The following OASL variants were observed in gnomAD, a reference collection of about 807,000 sequenced individuals.
OASL encodes 2'-5'-oligoadenylate synthetase like.
A neutral mutation model predicts 35.3 loss-of-function variants in OASL; 28 were observed. The observed-to-expected ratio is 0.79, with a 90% CI of 0.59 to 1.09. The LOEUF (loss-of-function observed/expected upper bound fraction) is 1.09. Among genes scored for constraint, OASL ranks in the 50% least tolerant of loss-of-function variants. OASL has a pLI of 0.00. For synonymous variants in OASL, 252 were observed against 254.6 expected, an observed-to-expected ratio of 0.99 and a Z score of 0.10; for missense variants, 620 against 635.2, an observed-to-expected ratio of 0.98 and a Z score of 0.26.
At chr12:121,029,064 G>T in intron 3 of OASL, among the ~76,000 whole-genome samples, 2 of 105,098 alleles carry the variant, frequency 1.9e-5, no homozygotes, top group South Asian at 3.5e-4. Context: ...ACTTGTCTCA[G>T]AAAAAAAAAA....
At chr12:121,031,070 C>G (rs1350400589) in intron 3 of OASL, among the ~76,000 whole-genome samples, 1 of 151,984 alleles carries the variant, frequency 6.6e-6, no homozygotes, top group Non-Finnish European at 1.5e-5. Flanking sequence ...CCAGGGAGGT[C>G]TTGATCCAGG....
chr12:121,027,514 G>A (rs559833198), intron 4 of OASL, 62 bp downstream of exon 4: 100 of 1,602,876 alleles, frequency 6.2e-5, no homozygotes, highest in Middle Eastern at 1.7e-4. Flanking sequence ...TCTATGCCAC[G>A]TTACACTAGC....
At chr12:121,020,845 G>A (rs1869201033) in exon 6 of OASL, 1 of 1,614,096 alleles carries the variant, frequency 6.2e-7, no homozygotes, top group African/African-American at 1.3e-5. Flanking sequence ...ATGTGAGTGT[G>A]GGAGAAGATC....
intron 3 of OASL, among the ~76,000 whole-genome samples, chr12:121,028,790 C>A (rs1394698809): frequency 6.6e-6 from 1 of 152,100 alleles, no homozygotes; most frequent in African/African-American, 2.4e-5. Context: ...TGAGGCCGGG[C>A]GCAGTGCCTC....
chr12:121,017,776 G>A (rs936723840), downstream of OASL, among the ~76,000 whole-genome samples: 4 of 152,152 alleles, frequency 2.6e-5, no homozygotes, highest in African/African-American at 7.2e-5. Context: ...AAAATAAAGC[G>A]TTTATTCCAG....
chr12:121,026,387 G>T (rs1869482343), intron 4 of OASL, among the ~76,000 whole-genome samples: 1 of 152,180 alleles, frequency 6.6e-6, no homozygotes, highest in Non-Finnish European at 1.5e-5. Context: ...GTCTGGGTTG[G>T]GCTTCCCCTG....
rs1306034944 is a variant in OASL, at chr12:121,024,000, C to T, written c.1037G>A (p.Trp346Ter). ...GAGAGGAGCCATTACCTTCACGTTC[C>T]AGCTGGAGATGGGGTTCTCCCTGTT... The change falls in exon 5 of 6, where the codon TGG becomes TAG. Residue 346 changes from tryptophan (W) to a stop codon, truncating the protein, a stop_gained. Transcript: ENST00000257570. LOFTEE classifies it low-confidence loss of function (END_TRUNC). 1.2e-6 allele frequency: 2 copies of T among 1,614,124 alleles called. No homozygotes were observed. The highest frequency in any genetic ancestry group is 1.7e-6 in the Non-Finnish European group (2 of 1,180,010).
chr12:121,028,688 A>G (rs1011318114), intron 3 of OASL, among the ~76,000 whole-genome samples: 1 of 124,714 alleles, frequency 8.0e-6, no homozygotes, highest in Non-Finnish European at 1.6e-5. Flanking sequence ...TTATTGTTTA[A>G]GCCAGTTTGA....
In OASL at chr12:121,027,833, G is replaced by A. The variant is rs780541286; in HGVS notation, c.658-16C>T. 26 of 1,605,404 alleles carry A rather than the reference G, an allele frequency of 1.6e-5. No individual in the cohort carries two copies. Among genetic ancestry groups the A allele is most frequent in the Non-Finnish European group, 2.2e-5 (26 of 1,172,804 alleles). On this transcript the variant is annotated splice_polypyrimidine_tract_variant and intron_variant, in intron 3 of 5. Transcript: ENST00000257570. ...CTTTCACATACTGTTGAAAGAGATG[G>A]GAAGACAGAGAGAGAGAGACCCTAA... is the stretch of plus-strand genomic sequence containing the variant.
exon 6 of OASL, chr12:121,019,866 G>A (rs1869161554): frequency 6.6e-6 from 1 of 152,230 alleles, no homozygotes; most frequent in Non-Finnish European, 1.5e-5. Context: ...CTAACCATGT[G>A]ATTGGTCTGG....
intron 1 of OASL, among the ~76,000 whole-genome samples, chr12:121,038,087 T>TAAA (rs571751942): frequency 1.6e-4 from 23 of 141,932 alleles, no homozygotes; most frequent in South Asian, 4.5e-4. Context: ...ACCCTGTCTC[T>TAAA]AAAAAAAAAA....
chr12:121,031,586 A>C (rs747007570), exon 3 of OASL: 130 of 1,613,532 alleles, frequency 8.1e-5, no homozygotes, highest in Non-Finnish European at 1.1e-4. Context: ...CATAGACCTC[A>C]GGGGGTGGCT....
downstream of OASL, among the ~76,000 whole-genome samples, chr12:121,017,962 G>T (rs1276189645): frequency 6.6e-6 from 1 of 152,212 alleles, no homozygotes; most frequent in Non-Finnish European, 1.5e-5. Flanking sequence ...GACACCCACT[G>T]TTAGGCAAAT....
chr12:121,038,407 T>G (rs1167582443), intron 1 of OASL, among the ~76,000 whole-genome samples: 2 of 152,196 alleles, frequency 1.3e-5, no homozygotes, highest in Non-Finnish European at 2.9e-5. Flanking sequence ...CAAACTATAT[T>G]TTACAGATGG....
intron 3 of OASL, among the ~76,000 whole-genome samples, chr12:121,028,213 G>T (rs1444992686): frequency 6.6e-6 from 1 of 152,188 alleles, no homozygotes; most frequent in Non-Finnish European, 1.5e-5. Flanking sequence ...TAATAGGTGA[G>T]ATTCTGTAGT....
At chr12:121,020,303 AT>A (rs28969491) in exon 6 of OASL, 76,488 of 348,176 alleles carry the variant, frequency 0.22, 9,512 homozygotes, top group Middle Eastern at 0.25. Context: ...CCAGTGAATT[AT>A]TTTTTTATTT....
At chr12:121,021,920 T>A (rs963093000) in intron 5 of OASL, among the ~76,000 whole-genome samples, 1 of 152,160 alleles carries the variant, frequency 6.6e-6, no homozygotes, top group Non-Finnish European at 1.5e-5. Flanking sequence ...GTGTTTGTTT[T>A]GTTTTTTGAG....
At chr12:121,038,922 G>A (rs140436299) in exon 1 of OASL, 35 of 1,614,074 alleles carry the variant, frequency 2.2e-5, no homozygotes, top group Admixed American at 3.3e-5. Context: ...AGCCACGAAG[G>A]AGTCCAGCCT....
intron 5 of OASL, among the ~76,000 whole-genome samples, chr12:121,023,522 T>G (rs572202452): frequency 1.1e-4 from 16 of 152,194 alleles, no homozygotes; most frequent in Non-Finnish European, 1.9e-4. Context: ...ACTCCTGACC[T>G]CAAGTGATCC....
Sources: allele counts gnomAD v4.1 joint callset (sites outside exome capture counted in the v4.1 genomes callset), GRCh38; gene constraint gnomAD v4.1.1; transcripts MANE v1.5; gene names NCBI Gene and HGNC (gene_info 2026-07-23, HGNC 2026-07-21).